The following FRMPD1 variants were observed in gnomAD, a reference collection of about 807,000 sequenced individuals.
FRMPD1 encodes the protein FERM and PDZ domain containing 1.
Under a neutral mutation model 117.8 loss-of-function variants are expected in FRMPD1, and 76 were observed. The observed-to-expected ratio is 0.65, with a 90% CI of 0.54 to 0.78. The LOEUF is 0.78. Ranked by LOEUF, FRMPD1 falls within the 30% of genes least tolerant of loss-of-function variation. The probability of loss-of-function intolerance (pLI) is 0.00; values close to 1 mark genes in which losing one functional copy is unlikely to be tolerated. For missense variants in FRMPD1, 1,786 were observed against 1,964.5 expected (o/e 0.91, Z 1.72); for synonymous variants, 783 against 770.4 (o/e 1.02, Z -0.27).
chr9:37,703,820 T>A (rs2118119929), intron 2 of FRMPD1, among the ~76,000 whole-genome samples: 1 of 152,370 alleles, frequency 6.6e-6, no homozygotes, highest in East Asian at 1.9e-4. Flanking sequence ...TGGCTTTCAC[T>A]TAGCCAGATT....
the FRMPD1 span, among the ~76,000 whole-genome samples, chr9:37,634,782 G>T: frequency 6.7e-6 from 1 of 149,962 alleles, no homozygotes. Flanking sequence ...TTTTTAAAAA[G>T]GGATCCATGT....
intron 2 of FRMPD1, among the ~76,000 whole-genome samples, chr9:37,695,026 G>T (rs998039127): frequency 6.6e-6 from 1 of 152,108 alleles, no homozygotes; most frequent in African/African-American, 2.4e-5. Context: ...TAGATAGATA[G>T]ATAGATAGAT....
rs906763407 is a variant in FRMPD1, at chr9:37,713,523, G to A, written c.408+2128G>A. On this transcript the variant is annotated intron_variant, in intron 5 of 15. Coordinates refer to ENST00000377765, the MANE Select transcript of FRMPD1 (RefSeq NM_014907.3). ...GAGAATCGCTTGAGCCCAGGAAGTC[G>A]AGGCTGCAGTGAGCTGAGATCGCAC... Among the ~76,000 whole-genome samples, 3 of 152,118 alleles carry A rather than the reference G, an allele frequency of 2.0e-5. No individual in the cohort carries two copies. The South Asian group carries it at 6.2e-4, about 32-fold the overall frequency.
Position 37,746,073 on chromosome 9 carries a change from G to C in FRMPD1, c.4041G>C (p.Pro1347=). 6.2e-7 allele frequency: 1 copy of C among 1,614,212 alleles called. No homozygotes were observed. Among genetic ancestry groups the C allele is most frequent in the Non-Finnish European group, 8.5e-7 (1 of 1,180,024 alleles). Residue 1347 remains proline, a synonymous_variant, in exon 16 of 16, where the codon CCG becomes CCC. Transcript: ENST00000377765. ...QFSYATCFRG[P]QPETEEEDRD... ...CCTATGCCACATGCTTCCGTGGCCC[G>C]CAGCCTGAGACAGAGGAAGAAGACA...
intron 15 of FRMPD1, among the ~76,000 whole-genome samples, chr9:37,741,988 T>G (rs1357270677): frequency 6.6e-6 from 1 of 152,364 alleles, no homozygotes; most frequent in East Asian, 1.9e-4. Flanking sequence ...TCTCCCTGTC[T>G]GGCACCTCGC....
At chr9:37,617,727 C>T in the FRMPD1 span, among the ~76,000 whole-genome samples, 6 of 152,130 alleles carry the variant, frequency 3.9e-5, no homozygotes, top group Admixed American at 2.0e-4. Context: ...TTTAAAGATC[C>T]CTACTGATGT....
chr9:37,698,778 G>T lies in FRMPD1; in HGVS notation c.101+6036G>T, dbSNP rs10973496. ...TTTGAGATGGAGTTTCACTCTTGTT[G>T]CCCAGGCTGCGGTGCAATGGTGCAA... On this transcript the variant is annotated intron_variant, in intron 2 of 15. Coordinates refer to ENST00000377765, the MANE Select transcript of FRMPD1 (RefSeq NM_014907.3). Among the ~76,000 whole-genome samples, 40 of 151,624 alleles carry T rather than the reference G, an allele frequency of 2.6e-4. 1 individual carries two copies. In the East Asian group the frequency reaches 6.6e-3, roughly 25 times the overall value.
chr9:37,730,927 T>C, intron 8 of FRMPD1, 57 bp from the exon 9 acceptor site: 2 of 1,590,404 alleles, frequency 1.3e-6, no homozygotes, highest in East Asian at 2.2e-5. Flanking sequence ...TTTTGTGGAA[T>C]GACTGCAAGG....
At chr9:37,737,615 G>A (rs1010682447) in intron 14 of FRMPD1, among the ~76,000 whole-genome samples, 8 of 152,110 alleles carry the variant, frequency 5.3e-5, no homozygotes, top group Non-Finnish European at 5.9e-5. Flanking sequence ...CCTGAGGCCA[G>A]GAGTTTGAGA....
At chr9:37,612,836 C>T in the FRMPD1 span, among the ~76,000 whole-genome samples, 2 of 152,050 alleles carry the variant, frequency 1.3e-5, no homozygotes, top group African/African-American at 4.8e-5. Flanking sequence ...GGAGAGATGT[C>T]CTGTTTTTAA....
intron 6 of FRMPD1, among the ~76,000 whole-genome samples, chr9:37,723,349 G>A (rs1308685483): frequency 1.3e-5 from 2 of 152,178 alleles, no homozygotes; most frequent in African/African-American, 4.8e-5. Flanking sequence ...CTATCAGTAC[G>A]CTCGTAGAAG....
the FRMPD1 span, among the ~76,000 whole-genome samples, chr9:37,612,515 AT>A: frequency 0.15 from 14,190 of 91,920 alleles, 700 homozygotes; most frequent in Admixed American, 0.18. Flanking sequence ...TGCCCAGCTA[AT>A]TTTTTTTTTT....
Position 37,735,633 on chromosome 9 carries a change from A to C in FRMPD1, c.1300A>C (p.Ile434Leu), listed in dbSNP as rs141573129. 3 of 1,613,528 alleles carry C rather than the reference A, an allele frequency of 1.9e-6. No individual in the cohort carries two copies. Among genetic ancestry groups the C allele is most frequent in the Non-Finnish European group, 2.5e-6 (3 of 1,179,548 alleles). ...CCAGGTTATCAATAGCAAACTCAACATCATGTCCACATTGGCAGAGTTTGC... is the reference window on the plus strand; with the variant it reads ...CCAGGTTATCAATAGCAAACTCAACCTCATGTCCACATTGGCAGAGTTTGC... ...ISQVINSKLN[I>L]MSTLAEFANI... The change falls in exon 13 of 16, where the codon ATC (isoleucine) becomes CTC (leucine). Residue 434 changes from isoleucine to leucine, a missense_variant. By Grantham distance (5) the Ile-to-Leu change is conservative (BLOSUM62 2). Transcript: ENST00000377765.
the FRMPD1 span, among the ~76,000 whole-genome samples, chr9:37,643,713 T>C: frequency 6.6e-6 from 1 of 152,222 alleles, no homozygotes; most frequent in Admixed American, 6.5e-5. Flanking sequence ...TGATCTGCTT[T>C]GGCTACTTAT....
In FRMPD1 at chr9:37,744,672, C is replaced by T; in HGVS notation, c.2640C>T (p.Pro880=). 6.2e-7 allele frequency: 1 copy of T among 1,614,116 alleles called. No individual in the cohort carries two copies. Among genetic ancestry groups the T allele is most frequent in the African/African-American group, 1.3e-5 (1 of 75,050 alleles). ...AGCCCTACCTGGCCCTTGGTGCACC[C>T]TCCCCAACTGTGTCCTCTCTGCAGG... ...DREPYLALGA[P]SPTVSSLQDM... Residue 880 remains proline (P), a synonymous_variant, in exon 16 of 16, where the codon CCC becomes CCT. Transcript: ENST00000377765.
the FRMPD1 span, among the ~76,000 whole-genome samples, chr9:37,632,910 T>C: frequency 2.7e-5 from 4 of 147,846 alleles, no homozygotes; most frequent in South Asian, 8.4e-4. Flanking sequence ...AATTTCTGTA[T>C]ATATATAATA....
At chr9:37,666,578 C>T (rs76755400) in intron 1 of FRMPD1, among the ~76,000 whole-genome samples, 15,836 of 152,122 alleles carry the variant, frequency 0.1, 1,258 homozygotes, top group African/African-American at 0.22. Flanking sequence ...CTGTCCTTCA[C>T]GCTCTGCTCA....
At position 37,740,851 on chromosome 9, in the gene FRMPD1, G is replaced by T; in HGVS notation, c.2323G>T (p.Ala775Ser). ...CTCAGATGAGGAATACTATGACGCG[G>T]CTGATAAGCTCACTCCCCCAGGCCC... Reference protein sequence around the residue: ...GSSDEEYYDAADKLTPPGPPS... With the variant: ...GSSDEEYYDASDKLTPPGPPS... The change falls in exon 15 of 16, where the codon GCT becomes TCT. Residue 775 changes from alanine to serine, a missense_variant. Physicochemically the swap from Ala to Ser is moderately conservative, Grantham distance 99. Coordinates refer to ENST00000377765, the MANE Select transcript of FRMPD1 (RefSeq NM_014907.3). This position sits in a 1 kb window ranked among gnomAD's most constrained non-coding sequence, Gnocchi z 4.2. 1 of 1,614,130 alleles carries T rather than the reference G, an allele frequency of 6.2e-7. No individual in the cohort carries two copies. Among genetic ancestry groups the T allele is most frequent in the South Asian group, 1.1e-5 (1 of 91,076 alleles).
chr9:37,728,998 G>A (rs1347765157), intron 7 of FRMPD1, among the ~76,000 whole-genome samples: 3 of 150,384 alleles, frequency 2.0e-5, no homozygotes, highest in African/African-American at 7.3e-5. Flanking sequence ...CAGTTGCATA[G>A]TGAGTGGGTG....
Sources: allele counts gnomAD v4.1 joint callset (sites outside exome capture counted in the v4.1 genomes callset), GRCh38; gene constraint gnomAD v4.1.1; non-coding constraint Gnocchi (gnomAD v3.1); transcripts MANE v1.5; gene names NCBI Gene and HGNC (gene_info 2026-07-23, HGNC 2026-07-21).